Variants in POLN observed in about 807,000 individuals in gnomAD.
POLN encodes the protein DNA polymerase N.
A neutral mutation model predicts 113.5 loss-of-function variants in POLN; 108 were observed. The observed-to-expected ratio is 0.95, with a 90% CI of 0.81 to 1.12. The LOEUF is 1.12. POLN is among the 50% of genes most tolerant of loss of function. POLN has a pLI of 0.00. For missense variants in POLN, 1,097 were observed against 1,077.1 expected, an observed-to-expected ratio of 1.02 and a Z score of -0.26; for synonymous variants, 386 against 391.5, an observed-to-expected ratio of 0.99 and a Z score of 0.17.
chr4:2,199,743 A>AT (rs1560091222), intron 5 of POLN, among the ~76,000 whole-genome samples: 1 of 149,692 alleles, frequency 6.7e-6, no homozygotes, highest in African/African-American at 2.5e-5. Context: ...CACCCAGCTA[A>AT]TTTTTTTTGT....
intron 16 of POLN, among the ~76,000 whole-genome samples, chr4:2,136,331 T>G (rs1396034303): frequency 6.6e-6 from 1 of 152,224 alleles, no homozygotes; most frequent in Non-Finnish European, 1.5e-5. Flanking sequence ...TGGAGATCAC[T>G]TCTCAGCTGC....
intron 2 of POLN, 125 bp from the exon 3 acceptor site, chr4:2,229,368 C>A: frequency 1.3e-6 from 1 of 765,794 alleles, no homozygotes; most frequent in Non-Finnish European, 1.9e-6. Context: ...TTCATAACCA[C>A]AGAAAATAGG....
intron 13 of POLN, among the ~76,000 whole-genome samples, chr4:2,164,362 G>A (rs192961157): frequency 6.6e-5 from 10 of 151,788 alleles, no homozygotes; most frequent in South Asian, 6.2e-4. Context: ...TTAGCCAGGC[G>A]TGGTGGTGCA....
intron 3 of POLN, among the ~76,000 whole-genome samples, chr4:2,225,223 A>T (rs1272058353): frequency 6.6e-6 from 1 of 152,184 alleles, no homozygotes; most frequent in East Asian, 1.9e-4. Context: ...AAGCAAAAAA[A>T]ACCTTGAACC....
At chr4:2,092,752 G>A (rs763482237) in intron 20 of POLN, among the ~76,000 whole-genome samples, 2 of 152,220 alleles carry the variant, frequency 1.3e-5, no homozygotes, top group African/African-American at 4.8e-5. Context: ...GTGAAAACAC[G>A]TCACTACAAT....
intron 6 of POLN, 107 bp downstream of exon 6, chr4:2,198,417 A>C (rs1733631526): frequency 1.0e-6 from 1 of 1,004,952 alleles, no homozygotes; most frequent in South Asian, 2.7e-5. Context: ...GTGCCCATAC[A>C]AAACTTCTAA....
intron 19 of POLN, among the ~76,000 whole-genome samples, chr4:2,123,009 C>A (rs1324720842): frequency 1.3e-5 from 2 of 151,890 alleles, no homozygotes; most frequent in African/African-American, 4.8e-5. Flanking sequence ...AAAAAAAAAT[C>A]TAGCCAGGCA....
intron 16 of POLN, among the ~76,000 whole-genome samples, chr4:2,138,699 C>G (rs574442969): frequency 6.6e-6 from 1 of 152,024 alleles, no homozygotes; most frequent in Non-Finnish European, 1.5e-5. Flanking sequence ...GTCAGCAGTT[C>G]GAGACCAGCC....
At chr4:2,167,412 G>A (rs1050288655) in intron 13 of POLN, among the ~76,000 whole-genome samples, 7 of 152,172 alleles carry the variant, frequency 4.6e-5, no homozygotes, top group Non-Finnish European at 7.4e-5. Context: ...TGTGCCTGCT[G>A]AGGGGAGGGA....
chr4:2,080,030 C>G (rs1335598089), intron 23 of POLN: 6 of 985,344 alleles, frequency 6.1e-6, no homozygotes, highest in East Asian at 2.3e-4. Context: ...TCGCCAAGAG[C>G]TTGAGGGCTC....
intron 19 of POLN, among the ~76,000 whole-genome samples, chr4:2,113,798 C>A (rs938280813): frequency 3.3e-5 from 5 of 151,190 alleles, no homozygotes; most frequent in Admixed American, 6.6e-5. Context: ...GCGGAGGTTG[C>A]AGTGAGCTGA....
chr4:2,095,667 A>T (rs1370790139), intron 20 of POLN, among the ~76,000 whole-genome samples, 184 bp downstream of exon 20: 1 of 151,962 alleles, frequency 6.6e-6, no homozygotes, highest in Non-Finnish European at 1.5e-5. Flanking sequence ...GCTGGATGTG[A>T]CTCTGAGCAG....
chr4:2,081,151 T>A, intron 22 of POLN, 115 bp from the exon 23 acceptor site: 1 of 1,599,022 alleles, frequency 6.3e-7, no homozygotes, highest in Non-Finnish European at 8.5e-7. Flanking sequence ...GTGCTGGCTC[T>A]GAGCTGTCTG....
chr4:2,207,165 G>T (rs1733866680), intron 5 of POLN, among the ~76,000 whole-genome samples: 1 of 152,172 alleles, frequency 6.6e-6, no homozygotes. Flanking sequence ...ACGAAACATT[G>T]TATGTTCTTA....
chr4:2,145,558 T>A (rs1732117325), intron 16 of POLN, among the ~76,000 whole-genome samples: 1 of 152,176 alleles, frequency 6.6e-6, no homozygotes, highest in Admixed American at 6.5e-5. Flanking sequence ...ACACTGACCC[T>A]CATTACTAAT....
chr4:2,085,534 C>T, intron 21 of POLN, 79 bp downstream of exon 21: 2 of 1,581,996 alleles, frequency 1.3e-6, no homozygotes, highest in African/African-American at 1.3e-5. Flanking sequence ...CCCGCCTGCA[C>T]ACCAACCACG....
intron 25 of POLN, among the ~76,000 whole-genome samples, chr4:2,072,758 C>T (rs934821614): frequency 5.3e-5 from 8 of 152,190 alleles, no homozygotes; most frequent in East Asian, 1.9e-4. Context: ...GGTCCAGCCC[C>T]GGCTGCCGTC....
chr4:2,167,165 G>A (rs1280784560), intron 13 of POLN, among the ~76,000 whole-genome samples: 6 of 152,138 alleles, frequency 3.9e-5, no homozygotes, highest in Non-Finnish European at 7.3e-5. Flanking sequence ...GCCCAGCAGT[G>A]GGTCAGTGCA....
chr4:2,214,195 C>T (rs1172538908), intron 3 of POLN, among the ~76,000 whole-genome samples: 1 of 151,860 alleles, frequency 6.6e-6, no homozygotes, highest in African/African-American at 2.4e-5. Context: ...GAGATTGCGC[C>T]ACTGCACTCC....
Sources: allele counts gnomAD v4.1 joint callset (sites outside exome capture counted in the v4.1 genomes callset), GRCh38; gene constraint gnomAD v4.1.1; transcripts MANE v1.5; gene names NCBI Gene and HGNC (gene_info 2026-07-23, HGNC 2026-07-21).